The following OPCML variants were observed in gnomAD, a reference collection of about 807,000 sequenced individuals.
The protein encoded by OPCML is opioid-binding protein/cell adhesion molecule.
A neutral mutation model predicts 37.8 loss-of-function variants in OPCML; 13 were observed. The observed-to-expected ratio is 0.34, with a 90% CI of 0.22 to 0.55. The LOEUF is 0.55. Ranked by LOEUF, OPCML falls within the 20% of genes least tolerant of loss-of-function variation. The probability of loss-of-function intolerance (pLI) is 0.91; values close to 1 mark genes in which losing one functional copy is unlikely to be tolerated. For missense variants in OPCML, 341 were observed against 435.6 expected (o/e 0.78, Z 1.93); for synonymous variants, 176 against 168.8 (o/e 1.04, Z -0.33).
At chr11:132,654,176 TC>T (rs1208096714) in intron 3 of OPCML, among the ~76,000 whole-genome samples, 2 of 152,192 alleles carry the variant, frequency 1.3e-5, no homozygotes, top group African/African-American at 4.8e-5. Flanking sequence ...ACATCCACCC[TC>T]TGGTAATTCA....
At chr11:133,259,945 A>G (rs1229896540) in intron 1 of OPCML, among the ~76,000 whole-genome samples, 2 of 152,356 alleles carry the variant, frequency 1.3e-5, no homozygotes, top group Admixed American at 6.5e-5. Flanking sequence ...TTCCATTTAA[A>G]TGAAAAGAAA....
intron 3 of OPCML, among the ~76,000 whole-genome samples, chr11:132,545,927 T>C (rs551310688): frequency 6.6e-6 from 1 of 152,250 alleles, no homozygotes. Context: ...ATAGAATAAG[T>C]ACTGGCTTAA....
chr11:132,936,407 G>A (rs565448772), intron 2 of OPCML, among the ~76,000 whole-genome samples: 2 of 152,314 alleles, frequency 1.3e-5, no homozygotes, highest in East Asian at 1.9e-4. Flanking sequence ...CCCGTAGGCT[G>A]TTAATAGGGA....
intron 3 of OPCML, among the ~76,000 whole-genome samples, chr11:132,583,931 T>A (rs59337101): frequency 0.026 from 3,910 of 152,174 alleles, 157 homozygotes; most frequent in African/African-American, 0.089. Context: ...TGATTTTTTT[T>A]ATAGTTCACC....
chr11:132,887,068 C>A (rs756497607), intron 2 of OPCML, among the ~76,000 whole-genome samples: 10 of 152,162 alleles, frequency 6.6e-5, no homozygotes, highest in African/African-American at 1.2e-4. Context: ...CATTCTAAGA[C>A]CCTACCTGTA....
At chr11:133,006,131 A>G (rs1947106418) in intron 1 of OPCML, 12 of 985,114 alleles carry the variant, frequency 1.2e-5, no homozygotes, top group Non-Finnish European at 1.4e-5. Context: ...GCCAGGTGGG[A>G]GGAGATCCCT....
Position 133,402,117 on chromosome 11 carries a change from A to G in OPCML, c.61+130147T>C, listed in dbSNP as rs189137814. On this transcript the variant is annotated intron_variant, in intron 1 of 7. Transcript: ENST00000524381. ...TATAAAGAACAGATATTTATTTCTA[A>G]CTATCCTGGAGGCTGGAAGTCCAAG... 5.9e-5 allele frequency among the ~76,000 whole-genome samples: 9 copies of G among 152,290 alleles called. 1 individual carries two copies. In the East Asian group the frequency reaches 1.2e-3, roughly 20 times the overall value.
chr11:133,030,166 A>G (rs528728642), intron 1 of OPCML, among the ~76,000 whole-genome samples: 11 of 152,308 alleles, frequency 7.2e-5, no homozygotes, highest in Admixed American at 3.3e-4. Context: ...GAACTTTCTC[A>G]TTACAGAAAC....
intron 1 of OPCML, among the ~76,000 whole-genome samples, chr11:133,523,963 T>A (rs544990706): frequency 1.3e-5 from 2 of 152,202 alleles, no homozygotes; most frequent in South Asian, 4.1e-4. Context: ...TCCCCTTCCA[T>A]AGTTTCATGT....
At chr11:133,453,598 G>A (rs1211818980) in intron 1 of OPCML, among the ~76,000 whole-genome samples, 87 of 152,154 alleles carry the variant, frequency 5.7e-4, no homozygotes, top group Admixed American at 5.7e-3. Context: ...TGAGCTGTCA[G>A]CCCTGGCTAC....
chr11:133,223,103 G>A (rs527754159), intron 1 of OPCML, among the ~76,000 whole-genome samples: 1 of 152,286 alleles, frequency 6.6e-6, no homozygotes, highest in East Asian at 1.9e-4. Flanking sequence ...CTCCCTGGGT[G>A]GGGACCCAGC....
intron 1 of OPCML, among the ~76,000 whole-genome samples, chr11:133,335,381 C>T (rs1230448623): frequency 2.6e-5 from 4 of 152,246 alleles, no homozygotes; most frequent in African/African-American, 9.6e-5. Context: ...GACAAGTGGC[C>T]GGCAGATTGT....
rs1183949814 is a variant in OPCML at position 132,657,124 on chromosome 11, A to G, written c.342T>C (p.Asn114=). The part of the protein sequence containing the change: ...GPYTCSVQTD[N]HPKTSRVHLI... ...GGTGAACCCGGGACGTTTTGGGATGATTGTCTGTCTGCACAGAGCAGGTGT... is the reference window on the plus strand; with the variant it reads ...GGTGAACCCGGGACGTTTTGGGATGGTTGTCTGTCTGCACAGAGCAGGTGT... The change falls in exon 3 of 8, where the codon AAT becomes AAC. Residue 114 remains asparagine, a synonymous_variant. Transcript: ENST00000524381. The G allele has an allele frequency of 6.2e-7, 1 of 1,614,188 alleles. No homozygotes were observed. Among genetic ancestry groups the G allele is most frequent in the Admixed American group, 1.7e-5 (1 of 60,022 alleles).
At chr11:132,491,903 G>C (rs1565609277) in intron 4 of OPCML, among the ~76,000 whole-genome samples, 1 of 151,154 alleles carries the variant, frequency 6.6e-6, no homozygotes, top group Non-Finnish European at 1.5e-5. Context: ...GATATTGTAG[G>C]TGGGGTTTGG....
chr11:132,427,386 G>T lies in OPCML; in HGVS notation c.917-7093C>A, dbSNP rs187562395. Among the ~76,000 whole-genome samples, 47 of 152,300 alleles carry T rather than the reference G, an allele frequency of 3.1e-4. 1 individual carries two copies. In the East Asian group the frequency reaches 4.3e-3, roughly 14 times the overall value. On this transcript the variant is annotated intron_variant, in intron 7 of 7. Coordinates refer to ENST00000524381, the MANE Select transcript of OPCML (RefSeq NM_001012393.5). ...GATGATGTATGTGTTACACTTGTTGGTGAAACATAAAGCTATTTTTAGAGG... is the reference window on the plus strand; with the variant it reads ...GATGATGTATGTGTTACACTTGTTGTTGAAACATAAAGCTATTTTTAGAGG...
intron 1 of OPCML, among the ~76,000 whole-genome samples, chr11:132,962,787 G>T (rs1000229246): frequency 1.1e-4 from 16 of 152,276 alleles, no homozygotes; most frequent in East Asian, 5.8e-4. Flanking sequence ...GCACTTCACC[G>T]CATTTGGGTT....
chr11:132,980,808 T>G (rs1396626059), intron 1 of OPCML, among the ~76,000 whole-genome samples: 5 of 152,194 alleles, frequency 3.3e-5, no homozygotes. Flanking sequence ...TATTTCCCTG[T>G]GGGCAAAAAG....
Position 133,524,186 on chromosome 11 carries a change from A to G in OPCML, c.61+8078T>C, listed in dbSNP as rs116564837. Among the ~76,000 whole-genome samples, 946 of 152,354 alleles carry G rather than the reference A, an allele frequency of 6.2e-3. 9 individuals are homozygous for G. Among genetic ancestry groups the G allele is most frequent in the African/African-American group, 0.022 (904 of 41,582 alleles). On this transcript the variant is annotated intron_variant, in intron 1 of 7. Transcript: ENST00000524381. Reference sequence around the variant, plus strand: ...GGTACTGTAGAGTATTCAGAGATGAATAAGTCAGGATGTCCGCCATTCAGA... The same window carrying G: ...GGTACTGTAGAGTATTCAGAGATGAGTAAGTCAGGATGTCCGCCATTCAGA...
chr11:133,063,265 C>T (rs989248115), intron 1 of OPCML, among the ~76,000 whole-genome samples: 2 of 152,172 alleles, frequency 1.3e-5, no homozygotes, highest in South Asian at 4.1e-4. Flanking sequence ...GAGGGCTGGT[C>T]CCCTGGGCCA....
Sources: gnomAD v4.1 joint callset for allele counts (sites outside exome capture counted in the v4.1 genomes callset) on GRCh38, gnomAD v4.1.1 for gene constraint, MANE v1.5 for transcripts, NCBI Gene and HGNC (gene_info 2026-07-23, HGNC 2026-07-21) for gene names.